The following NELL2 variants were observed in gnomAD, a reference collection of about 807,000 sequenced individuals.
The protein encoded by NELL2 is protein kinase C-binding protein NELL2.
Under a neutral mutation model 109.6 loss-of-function variants are expected in NELL2, and 41 were observed. That is an observed-to-expected ratio of 0.37 (90% confidence interval 0.29 to 0.49). The LOEUF (loss-of-function observed/expected upper bound fraction) is 0.49. Ranked by LOEUF, NELL2 falls within the 20% of genes least tolerant of loss-of-function variation. The probability of loss-of-function intolerance (pLI) is 0.98; values close to 1 mark genes in which losing one functional copy is unlikely to be tolerated. For missense variants in NELL2, 900 were observed against 1,008.3 expected, an observed-to-expected ratio of 0.89 and a Z score of 1.45; for synonymous variants, 355 against 344.7, an observed-to-expected ratio of 1.03 and a Z score of -0.33.
intron 9 of NELL2, among the ~76,000 whole-genome samples, chr12:44,733,365 T>G (rs1390692237): frequency 6.6e-6 from 1 of 151,972 alleles, no homozygotes; most frequent in East Asian, 1.9e-4. Context: ...CAATGGAATA[T>G]TATTTAGCCT....
chr12:44,900,776 G>A (rs912103896), intron 1 of NELL2, among the ~76,000 whole-genome samples: 1 of 152,032 alleles, frequency 6.6e-6, no homozygotes, highest in Non-Finnish European at 1.5e-5. Flanking sequence ...GGATCACAAG[G>A]TCAAGAGATC....
At chr12:44,562,069 G>T (rs1943486633) in intron 15 of NELL2, among the ~76,000 whole-genome samples, 1 of 152,156 alleles carries the variant, frequency 6.6e-6, no homozygotes, top group Admixed American at 6.5e-5. Flanking sequence ...ATGTGGAAAG[G>T]ACTCCCTATT....
At chr12:44,913,279 CCA>C (rs1482929145) in intron 1 of NELL2, among the ~76,000 whole-genome samples, 3 of 152,032 alleles carry the variant, frequency 2.0e-5, no homozygotes, top group Non-Finnish European at 4.4e-5. Context: ...AGATAGTGAG[CCA>C]CAGTCTCCTA....
intron 12 of NELL2, among the ~76,000 whole-genome samples, chr12:44,690,700 C>A (rs607763): frequency 1.3e-5 from 2 of 152,130 alleles, no homozygotes; most frequent in Non-Finnish European, 2.9e-5. Context: ...ATGAAGGCAG[C>A]GGTTTAGTAG....
intron 1 of NELL2, chr12:44,913,730 C>G: frequency 1.7e-6 from 1 of 591,418 alleles, no homozygotes; most frequent in East Asian, 4.3e-5. Context: ...GTCACTATAC[C>G]CTCCTTAAAG....
rs1187414211 is a variant in NELL2, at chr12:44,648,710, CAT to C, written c.1444+16772_1444+16773del. Among the ~76,000 whole-genome samples, 391 of 117,946 alleles carry C rather than the reference CAT, an allele frequency of 3.3e-3. 4 individuals are homozygous for C. Among genetic ancestry groups the C allele is most frequent in the African/African-American group, 8.8e-3 (234 of 26,572 alleles). 77.4% of individuals were successfully genotyped at this position (117,946 alleles called of 152,430 possible). A position where few individuals can be genotyped will look rare whatever the true frequency, so the allele number is the denominator to read the frequency against. ...GTGGCAGTGGGAATAACAATGCCAT[CAT>C]ATATATATATATATATATATTTTTT... On this transcript the variant is annotated intron_variant, in intron 13 of 19. Coordinates refer to ENST00000429094, the MANE Select transcript of NELL2 (RefSeq NM_001145108.2).
intron 2 of NELL2, among the ~76,000 whole-genome samples, chr12:44,836,031 G>T (rs1006450168): frequency 6.6e-6 from 1 of 152,180 alleles, no homozygotes; most frequent in Admixed American, 6.5e-5. Flanking sequence ...AAAGGGAGAG[G>T]GGGGTGGAAG....
chr12:44,814,109 A>G (rs1943260563), intron 3 of NELL2, among the ~76,000 whole-genome samples: 1 of 152,208 alleles, frequency 6.6e-6, no homozygotes, highest in Non-Finnish European at 1.5e-5. Context: ...CAGTTGAGGG[A>G]AACAGACCCA....
intron 13 of NELL2, among the ~76,000 whole-genome samples, chr12:44,627,277 G>A (rs1200314188): frequency 6.6e-6 from 1 of 152,080 alleles, no homozygotes; most frequent in Non-Finnish European, 1.5e-5. Context: ...TTATTACTTA[G>A]TGTAATTCAA....
At chr12:44,665,725 G>A in intron 12 of NELL2, 116 bp from the exon 13 acceptor site, 2 of 1,177,708 alleles carry the variant, frequency 1.7e-6, no homozygotes, top group Non-Finnish European at 2.3e-6. Context: ...TTTCAGAAAA[G>A]CATTCATGAT....
chr12:44,599,380 G>T (rs1165107373), intron 15 of NELL2, among the ~76,000 whole-genome samples: 1 of 151,598 alleles, frequency 6.6e-6, no homozygotes, highest in Non-Finnish European at 1.5e-5. Flanking sequence ...ACAAAAATAA[G>T]AACTAAGGAA....
intron 2 of NELL2, among the ~76,000 whole-genome samples, chr12:44,864,501 T>C (rs1439736305): frequency 6.6e-6 from 1 of 152,108 alleles, no homozygotes; most frequent in African/African-American, 2.4e-5. Context: ...GATAAATTTA[T>C]CAAGAAGATA....
chr12:44,620,838 A>C (rs1359031374), intron 13 of NELL2, among the ~76,000 whole-genome samples: 1 of 152,184 alleles, frequency 6.6e-6, no homozygotes, highest in Non-Finnish European at 1.5e-5. Context: ...CAATAGCCTC[A>C]TAATGACAAC....
chr12:44,903,642 T>A (rs1945686973), intron 1 of NELL2, among the ~76,000 whole-genome samples: 1 of 152,134 alleles, frequency 6.6e-6, no homozygotes, highest in Admixed American at 6.6e-5. Context: ...CCAACCCAGA[T>A]GCCCATCAAT....
In NELL2 at chr12:44,761,942, A is replaced by G. The variant is rs1941143865; in HGVS notation, c.994+12805T>C. ...CTACTGGGTATCATGTTCAGTATTC[A>G]GGTGATGGGCACACTAAAAGCTGAA... On this transcript the variant is annotated intron_variant, in intron 9 of 19. Coordinates refer to ENST00000429094, the MANE Select transcript of NELL2 (RefSeq NM_001145108.2). Among the ~76,000 whole-genome samples, 3 of 152,206 alleles carry G rather than the reference A, an allele frequency of 2.0e-5. 1 individual carries two copies. The South Asian group carries it at 6.2e-4, about 31-fold the overall frequency.
At chr12:44,660,614 T>A (rs1947708565) in intron 13 of NELL2, among the ~76,000 whole-genome samples, 1 of 152,140 alleles carries the variant, frequency 6.6e-6, no homozygotes, top group South Asian at 2.1e-4. Flanking sequence ...CCCTAAAGGA[T>A]CAATTTAATC....
At chr12:44,511,480 A>G (rs1448567589) in intron 19 of NELL2, among the ~76,000 whole-genome samples, 1 of 152,204 alleles carries the variant, frequency 6.6e-6, no homozygotes, top group Non-Finnish European at 1.5e-5. Flanking sequence ...GCAGCTTGAG[A>G]TAACTATAAG....
intron 12 of NELL2, among the ~76,000 whole-genome samples, chr12:44,683,111 G>A (rs1037735896): frequency 6.6e-6 from 1 of 152,100 alleles, no homozygotes; most frequent in African/African-American, 2.4e-5. Flanking sequence ...GTGGTTTGTA[G>A]TTCTCCTTGA....
intron 9 of NELL2, among the ~76,000 whole-genome samples, chr12:44,752,836 A>C (rs1484380917): frequency 2.0e-5 from 3 of 152,148 alleles, no homozygotes; most frequent in African/African-American, 7.2e-5. Flanking sequence ...TTGCCAAGTC[A>C]TGTACTGCCA....
Sources: allele counts gnomAD v4.1 joint callset (sites outside exome capture counted in the v4.1 genomes callset), GRCh38; gene constraint gnomAD v4.1.1; transcripts MANE v1.5; gene names NCBI Gene and HGNC (gene_info 2026-07-23, HGNC 2026-07-21).